Variants in OCA2 observed in about 807,000 individuals in gnomAD.
The protein encoded by OCA2 is OCA2 melanosomal transmembrane protein.
A neutral mutation model predicts 100.2 loss-of-function variants in OCA2; 77 were observed. That is an observed-to-expected ratio of 0.77 (90% CI 0.64 to 0.93). The LOEUF (loss-of-function observed/expected upper bound fraction) is 0.93, where lower values mean the gene tolerates loss of function less well. Ranked by LOEUF, OCA2 falls within the 40% of genes least tolerant of loss-of-function variation. The pLI is 0.00. For missense variants in OCA2, 1,062 were observed against 1,089.1 expected, an observed-to-expected ratio of 0.98 and a Z score of 0.35; for synonymous variants, 432 against 439.2, an observed-to-expected ratio of 0.98 and a Z score of 0.21.
At chr15:27,831,583 G>A (rs1274928274) in intron 23 of OCA2, among the ~76,000 whole-genome samples, 1 of 152,250 alleles carries the variant, frequency 6.6e-6, no homozygotes, top group Non-Finnish European at 1.5e-5. Flanking sequence ...CACTGTGACA[G>A]TCAAGGCCTG....
intron 2 of OCA2, among the ~76,000 whole-genome samples, chr15:28,057,127 A>G (rs2043727004): frequency 6.6e-6 from 1 of 152,278 alleles, no homozygotes; most frequent in South Asian, 2.1e-4. Flanking sequence ...CACATGTTTC[A>G]GAAAGGATTC....
intron 23 of OCA2, among the ~76,000 whole-genome samples, chr15:27,778,758 C>T (rs2032383215): frequency 1.3e-5 from 2 of 152,330 alleles, no homozygotes; most frequent in Non-Finnish European, 2.9e-5. Flanking sequence ...AGAGAATCTG[C>T]TCTTGCCTGG....
At chr15:27,856,377 A>T (rs2035948311) in intron 21 of OCA2, among the ~76,000 whole-genome samples, 1 of 152,132 alleles carries the variant, frequency 6.6e-6, no homozygotes, top group African/African-American at 2.4e-5. Context: ...TTCAGCAACC[A>T]CAGGAAAGAC....
rs1032299025 is a variant in OCA2 at position 27,845,976 on chromosome 15, G to A, written c.2339-924C>T. ...CACGTCCCCATGAAGACACAGCACA[G>A]ACAGGGTGAGCAGTGTGCCCAGGTG... On this transcript the variant is annotated intron_variant, in intron 22 of 23. Transcript: ENST00000354638. Among the ~76,000 whole-genome samples, 9 of 152,318 alleles carry A rather than the reference G, an allele frequency of 5.9e-5. 1 individual carries two copies. Among genetic ancestry groups the A allele is most frequent in the Admixed American group, 6.5e-5 (1 of 15,308 alleles).
intron 22 of OCA2, among the ~76,000 whole-genome samples, chr15:27,845,662 A>C (rs55897872): frequency 0.26 from 39,153 of 151,940 alleles, 5,622 homozygotes; most frequent in East Asian, 0.56. Context: ...CCAACCCCCC[A>C]CACACACTCA....
chr15:27,786,312 G>A (rs927893803), intron 23 of OCA2, among the ~76,000 whole-genome samples: 1 of 152,108 alleles, frequency 6.6e-6, no homozygotes, highest in Non-Finnish European at 1.5e-5. Context: ...AATTTCTGAG[G>A]GGGAAAAAGC....
intron 16 of OCA2, among the ~76,000 whole-genome samples, chr15:27,955,794 T>C (rs1166900283): frequency 6.6e-6 from 1 of 152,154 alleles, no homozygotes; most frequent in Non-Finnish European, 1.5e-5. Context: ...CTGTCCATGC[T>C]GCTCCTGCCG....
Position 28,060,306 on chromosome 15 carries a change from C to T in OCA2, c.227+21342G>A, listed in dbSNP as rs558194402. ...GCACTGCAGGCTGGGATGTGCTGAC[C>T]AGACCAGCACCTCCTGCCCAGCCTT... On this transcript the variant is annotated intron_variant, in intron 2 of 23. Transcript: ENST00000354638. Among the ~76,000 whole-genome samples the T allele has an allele frequency of 2.0e-5, 3 of 152,338 alleles. 1 individual carries two copies. The East Asian group carries it at 5.8e-4, about 29-fold the overall frequency.
chr15:27,755,815 C>A (rs538505545), intron 23 of OCA2, among the ~76,000 whole-genome samples: 25 of 152,268 alleles, frequency 1.6e-4, no homozygotes, highest in African/African-American at 6.0e-4. Context: ...GTTTCCTCTA[C>A]TTGTGTCATC....
intron 23 of OCA2, among the ~76,000 whole-genome samples, chr15:27,770,921 CCCT>C (rs1167760326): frequency 3.6e-5 from 5 of 138,572 alleles, no homozygotes; most frequent in Non-Finnish European, 6.4e-5. Flanking sequence ...CCTCCTCCCT[CCCT>C]CTTTTCCTTT....
chr15:27,786,372 C>A (rs1909266), intron 23 of OCA2, among the ~76,000 whole-genome samples: 66,395 of 151,896 alleles, frequency 0.44, 15,160 homozygotes, highest in East Asian at 0.59. Flanking sequence ...CAACTTGAGA[C>A]GAGTTATCAT....
chr15:27,828,455 C>G (rs1017808269), intron 23 of OCA2, among the ~76,000 whole-genome samples: 1 of 152,152 alleles, frequency 6.6e-6, no homozygotes, highest in African/African-American at 2.4e-5. Context: ...CATACCTGTG[C>G]ACTCCTCACT....
chr15:28,035,427 T>C (rs1372897337), intron 2 of OCA2, among the ~76,000 whole-genome samples: 4 of 152,172 alleles, frequency 2.6e-5, no homozygotes, highest in Non-Finnish European at 2.9e-5. Context: ...AAGGAGGCCT[T>C]GGGGCCCTGT....
At chr15:28,066,919 A>G (rs1187827444) in intron 2 of OCA2, among the ~76,000 whole-genome samples, 1 of 152,200 alleles carries the variant, frequency 6.6e-6, no homozygotes, top group Non-Finnish European at 1.5e-5. Flanking sequence ...CCAATTGCCA[A>G]TCAAAAAATC....
intron 1 of OCA2, among the ~76,000 whole-genome samples, chr15:28,088,330 T>C (rs895455247): frequency 1.3e-5 from 2 of 152,206 alleles, no homozygotes; most frequent in Admixed American, 6.5e-5. Flanking sequence ...GACAATTCTA[T>C]AACAAATGAG....
intron 4 of OCA2, among the ~76,000 whole-genome samples, chr15:28,027,361 G>A (rs1222771036): frequency 6.6e-6 from 1 of 152,092 alleles, no homozygotes; most frequent in East Asian, 1.9e-4. Flanking sequence ...TCTGTGCTCC[G>A]TGTGCCCCGG....
At chr15:27,911,906 T>C (rs1323944156) in intron 19 of OCA2, among the ~76,000 whole-genome samples, 1 of 152,186 alleles carries the variant, frequency 6.6e-6, no homozygotes, top group Non-Finnish European at 1.5e-5. Context: ...GAAAACCATA[T>C]TTTGACAGGC....
rs2040280979 is a variant in OCA2 at position 27,957,839 on chromosome 15, ACTC to A, written c.1637-107_1637-105del. Reference sequence around the variant, plus strand: ...TCGATGCCTGACAGAGCAGACACACACTCGAGACGTGCAGGTAGCCCAGGGTCA... The same window carrying A: ...TCGATGCCTGACAGAGCAGACACACAGAGACGTGCAGGTAGCCCAGGGTCA... On this transcript the variant is annotated intron_variant, in intron 15 of 23. Coordinates refer to ENST00000354638, the MANE Select transcript of OCA2 (RefSeq NM_000275.3). This position sits in a 1 kb window ranked among gnomAD's most constrained non-coding sequence, Gnocchi z 4.3. 7.2e-7 allele frequency: 1 copy of A among 1,385,768 alleles called. No homozygotes were observed. The highest frequency in any genetic ancestry group is 1.0e-6 in the Non-Finnish European group (1 of 991,982). 85.8% of individuals were successfully genotyped at this position (1,385,768 alleles called of 1,614,324 possible). A position where few individuals can be genotyped will look rare whatever the true frequency, so the allele number is the denominator to read the frequency against.
At chr15:27,892,165 A>G (rs1169156278) in intron 19 of OCA2, among the ~76,000 whole-genome samples, 2 of 152,158 alleles carry the variant, frequency 1.3e-5, no homozygotes, top group Non-Finnish European at 1.5e-5. Flanking sequence ...AATGCTACAC[A>G]GAAAATAATT....
Sources: gnomAD v4.1 joint callset for allele counts (sites outside exome capture counted in the v4.1 genomes callset) on GRCh38, gnomAD v4.1.1 for gene constraint, Gnocchi (gnomAD v3.1) non-coding constraint, MANE v1.5 for transcripts, NCBI Gene and HGNC (gene_info 2026-07-23, HGNC 2026-07-21) for gene names.